SLC35F3: variants seen among roughly 807,000 people sequenced by gnomAD.
The protein encoded by SLC35F3 is putative thiamine transporter SLC35F3.
In SLC35F3, 25 loss-of-function variants were observed where a neutral mutation model predicts 49.9. The observed-to-expected ratio is 0.50, with a 90% CI of 0.37 to 0.70. The LOEUF (loss-of-function observed/expected upper bound fraction) is 0.70. SLC35F3 is among the 30% of genes least tolerant of loss of function. The pLI is 0.00. For synonymous variants in SLC35F3, 275 were observed against 265.4 expected, an observed-to-expected ratio of 1.04 and a Z score of -0.35; for missense variants, 525 against 639.8, an observed-to-expected ratio of 0.82 and a Z score of 1.94.
intron 3 of SLC35F3, among the ~76,000 whole-genome samples, chr1:234,260,642 T>C (rs1308530300): frequency 7.2e-5 from 11 of 152,214 alleles, no homozygotes; most frequent in Admixed American, 7.2e-4. Flanking sequence ...CTTAATACTA[T>C]GGACAGCCTG....
chr1:234,104,312 C>T (rs1665252791), intron 2 of SLC35F3, among the ~76,000 whole-genome samples: 1 of 151,978 alleles, frequency 6.6e-6, no homozygotes, highest in Non-Finnish European at 1.5e-5. Context: ...ATATAATGTT[C>T]ATAGCAAGAT....
intron 2 of SLC35F3, among the ~76,000 whole-genome samples, chr1:234,144,692 G>A (rs1665971264): frequency 6.6e-6 from 1 of 152,124 alleles, no homozygotes; most frequent in Admixed American, 6.5e-5. Flanking sequence ...TATCTACTAA[G>A]ATACTTTGCT....
chr1:234,222,902 G>A (rs1030325225), intron 2 of SLC35F3, among the ~76,000 whole-genome samples: 2 of 152,210 alleles, frequency 1.3e-5, no homozygotes, highest in African/African-American at 4.8e-5. Flanking sequence ...TGGTGTATAT[G>A]GAGGCATCAT....
intron 2 of SLC35F3, among the ~76,000 whole-genome samples, chr1:234,093,526 C>G (rs1295659181): frequency 6.6e-6 from 1 of 152,216 alleles, no homozygotes; most frequent in Non-Finnish European, 1.5e-5. Flanking sequence ...CCTTTTCTTC[C>G]TATAGGTTTT....
At position 234,207,420 on chromosome 1, in the gene SLC35F3, C is replaced by T. The variant is rs1348109283; in HGVS notation, c.284-23997C>T. On this transcript the variant is annotated intron_variant, in intron 2 of 7. Coordinates refer to ENST00000366618, the MANE Select transcript of SLC35F3 (RefSeq NM_173508.4). ...CTTCCTCCCTCCCTCCTTCCTTTCT[C>T]CCTCCCTCTTTCCTGCTTCCTTTTT... 3.1e-5 allele frequency among the ~76,000 whole-genome samples: 4 copies of T among 128,204 alleles called. 1 individual carries two copies. The highest frequency in any genetic ancestry group is 1.2e-4 in the African/African-American group (4 of 34,372). 84.1% of individuals were successfully genotyped at this position (128,204 alleles called of 152,430 possible).
chr1:234,058,103 G>A (rs1345507926), intron 2 of SLC35F3, among the ~76,000 whole-genome samples: 3 of 152,006 alleles, frequency 2.0e-5, no homozygotes, highest in Non-Finnish European at 4.4e-5. Context: ...TTATCAGGGT[G>A]ATAAAGTTCA....
At chr1:234,145,513 G>A (rs1665983350) in intron 2 of SLC35F3, among the ~76,000 whole-genome samples, 1 of 152,126 alleles carries the variant, frequency 6.6e-6, no homozygotes, top group Non-Finnish European at 1.5e-5. Context: ...TTAGAGACAT[G>A]CAGTCAGTAC....
At chr1:234,168,694 C>T (rs866229057) in intron 2 of SLC35F3, among the ~76,000 whole-genome samples, 15 of 152,164 alleles carry the variant, frequency 9.9e-5, no homozygotes, top group African/African-American at 3.4e-4. Flanking sequence ...TTTGCTATGC[C>T]CAGCAGAACA....
chr1:234,314,503 A>G (rs1657437603), intron 4 of SLC35F3, among the ~76,000 whole-genome samples: 1 of 152,202 alleles, frequency 6.6e-6, no homozygotes, highest in African/African-American at 2.4e-5. Flanking sequence ...GCTCATGCCT[A>G]TAATCCCAAC....
chr1:234,158,810 T>G (rs1275215045), intron 2 of SLC35F3, among the ~76,000 whole-genome samples: 1 of 152,208 alleles, frequency 6.6e-6, no homozygotes, highest in African/African-American at 2.4e-5. Flanking sequence ...GGACAAAAGA[T>G]CTGAGAACAG....
At chr1:234,019,317 A>G (rs1663855503) in intron 2 of SLC35F3, among the ~76,000 whole-genome samples, 1 of 152,198 alleles carries the variant, frequency 6.6e-6, no homozygotes, top group African/African-American at 2.4e-5. Flanking sequence ...TCCAGAAAAC[A>G]GTAACAAAAC....
intron 2 of SLC35F3, among the ~76,000 whole-genome samples, chr1:234,015,562 G>A (rs376319204): frequency 6.6e-6 from 1 of 152,132 alleles, no homozygotes; most frequent in Non-Finnish European, 1.5e-5. Flanking sequence ...ATGGGGGAAA[G>A]GTCAGTCTCT....
intron 2 of SLC35F3, among the ~76,000 whole-genome samples, chr1:234,091,714 T>G (rs749335074): frequency 6.6e-6 from 1 of 152,258 alleles, no homozygotes; most frequent in Non-Finnish European, 1.5e-5. Flanking sequence ...TATATTTAAA[T>G]GAGCCTCTTC....
At chr1:233,955,724 A>G (rs1027448653) in intron 2 of SLC35F3, among the ~76,000 whole-genome samples, 6 of 149,130 alleles carry the variant, frequency 4.0e-5, no homozygotes, top group African/African-American at 1.5e-4. Context: ...CCGAAATGCA[A>G]TCTGTTCCTG....
intron 5 of SLC35F3, among the ~76,000 whole-genome samples, chr1:234,317,031 A>C (rs371580411): frequency 5.9e-4 from 90 of 152,298 alleles, no homozygotes; most frequent in African/African-American, 2.0e-3. Flanking sequence ...TCCTGACATC[A>C]TTGATGGCAG....
intron 3 of SLC35F3, among the ~76,000 whole-genome samples, chr1:234,244,200 C>T (rs139271860): frequency 6.6e-6 from 1 of 152,240 alleles, no homozygotes; most frequent in African/African-American, 2.4e-5. Context: ...CCTTATTGGC[C>T]AAAAGCTTCC....
chr1:234,232,302 G>A (rs1667391467), intron 3 of SLC35F3, among the ~76,000 whole-genome samples: 1 of 151,982 alleles, frequency 6.6e-6, no homozygotes, highest in Non-Finnish European at 1.5e-5. Flanking sequence ...TTCTCAAATG[G>A]AGTCCATTGG....
At chr1:234,168,522 C>T (rs1449172808) in intron 2 of SLC35F3, among the ~76,000 whole-genome samples, 1 of 152,242 alleles carries the variant, frequency 6.6e-6, no homozygotes, top group Non-Finnish European at 1.5e-5. Context: ...AGTGCCTCTC[C>T]GGGCCGCCGT....
chr1:234,280,904 C>T (rs1398527129), intron 3 of SLC35F3, among the ~76,000 whole-genome samples: 2 of 152,168 alleles, frequency 1.3e-5, no homozygotes, highest in African/African-American at 2.4e-5. Flanking sequence ...CTGCCCTCAT[C>T]CCAACCAGAA....
Sources: gnomAD v4.1 joint callset for allele counts (sites outside exome capture counted in the v4.1 genomes callset) on GRCh38, gnomAD v4.1.1 for gene constraint, MANE v1.5 for transcripts, NCBI Gene and HGNC (gene_info 2026-07-23, HGNC 2026-07-21) for gene names.